B4GALT1: variants seen among roughly 807,000 people sequenced by gnomAD.
The protein encoded by B4GALT1 is beta-1,4-galactosyltransferase 1, also known as N-acetyllactosamine synthase.
Under a neutral mutation model 34.9 loss-of-function variants are expected in B4GALT1, and 16 were observed. The observed-to-expected ratio is 0.46, with a 90% confidence interval of 0.31 to 0.70. B4GALT1 has a LOEUF of 0.70. Among genes scored for constraint, B4GALT1 ranks in the 30% least tolerant of loss-of-function variants. The pLI is 0.05. For missense variants in B4GALT1, 445 were observed against 530.5 expected (o/e 0.84, Z 1.58); for synonymous variants, 221 against 218.1 (o/e 1.01, Z -0.12).
chr9:33,137,680 A>C (rs1840290695), intron 1 of B4GALT1, among the ~76,000 whole-genome samples: 2 of 152,134 alleles, frequency 1.3e-5, no homozygotes, highest in Admixed American at 1.3e-4. Context: ...GAAGGACCTA[A>C]ATGGCTACCT....
intron 1 of B4GALT1, among the ~76,000 whole-genome samples, chr9:33,153,017 G>T (rs980959623): frequency 6.6e-6 from 1 of 152,124 alleles, no homozygotes; most frequent in Non-Finnish European, 1.5e-5. Flanking sequence ...TGGGCAACAT[G>T]GCAAAGACTC....
At chr9:33,184,287 C>CACACACAA in the B4GALT1 span, among the ~76,000 whole-genome samples, 187 of 142,756 alleles carry the variant, frequency 1.3e-3, 2 homozygotes, top group East Asian at 1.2e-3. Context: ...CACACACACA[C>CACACACAA]AAAAACATAG....
At chr9:33,182,586 A>C in the B4GALT1 span, among the ~76,000 whole-genome samples, 9 of 152,240 alleles carry the variant, frequency 5.9e-5, 1 homozygote, top group African/African-American at 2.2e-4. Context: ...CCATAAGCTG[A>C]TTTGAAGTAA....
the B4GALT1 span, among the ~76,000 whole-genome samples, chr9:33,180,446 G>A: frequency 6.6e-6 from 1 of 152,124 alleles, no homozygotes. Context: ...TAAAAGACAG[G>A]GCTGAAGGCA....
chr9:33,145,747 C>T (rs982254141), intron 1 of B4GALT1, among the ~76,000 whole-genome samples: 1 of 152,238 alleles, frequency 6.6e-6, no homozygotes, highest in Non-Finnish European at 1.5e-5. Context: ...TGCATCCACA[C>T]AGTGGATAGC....
intron 1 of B4GALT1, among the ~76,000 whole-genome samples, chr9:33,164,616 A>G (rs1840721269): frequency 6.6e-6 from 1 of 152,356 alleles, no homozygotes; most frequent in Admixed American, 6.5e-5. Flanking sequence ...GTAACTGGTG[A>G]CAAGCCGATC....
intron 1 of B4GALT1, among the ~76,000 whole-genome samples, chr9:33,152,744 C>A (rs907940009): frequency 2.0e-5 from 3 of 151,984 alleles, no homozygotes; most frequent in African/African-American, 7.2e-5. Context: ...TGTGGTGGCA[C>A]ACACCTATAG....
At chr9:33,154,975 C>T (rs901242198) in intron 1 of B4GALT1, among the ~76,000 whole-genome samples, 1 of 152,106 alleles carries the variant, frequency 6.6e-6, no homozygotes, top group African/African-American at 2.4e-5. Flanking sequence ...GTGGATTTCT[C>T]CAGTAAGACC....
At chr9:33,158,287 G>A (rs750349467) in intron 1 of B4GALT1, among the ~76,000 whole-genome samples, 12 of 152,082 alleles carry the variant, frequency 7.9e-5, no homozygotes, top group Non-Finnish European at 1.5e-4. Context: ...ACCAGGGCTC[G>A]GAATCCTCAC....
chr9:33,143,854 C>T (rs1840387480), intron 1 of B4GALT1, among the ~76,000 whole-genome samples: 1 of 151,688 alleles, frequency 6.6e-6, no homozygotes, highest in Admixed American at 6.6e-5. Context: ...AATATAATAA[C>T]TACGTTGGGA....
At chr9:33,129,902 G>A (rs1357075117) in intron 2 of B4GALT1, among the ~76,000 whole-genome samples, 1 of 152,188 alleles carries the variant, frequency 6.6e-6, no homozygotes, top group Non-Finnish European at 1.5e-5. Context: ...AGAGGAGGAG[G>A]AAGTGGCTGG....
intron 1 of B4GALT1, among the ~76,000 whole-genome samples, chr9:33,154,609 G>T (rs1840570680): frequency 6.6e-6 from 1 of 152,224 alleles, no homozygotes; most frequent in Admixed American, 6.5e-5. Flanking sequence ...TGATGTAGGT[G>T]GTTGTTGATG....
At chr9:33,127,884 C>T (rs1840136013) in intron 2 of B4GALT1, among the ~76,000 whole-genome samples, 1 of 152,226 alleles carries the variant, frequency 6.6e-6, no homozygotes, top group African/African-American at 2.4e-5. Context: ...TTCCAGCAAC[C>T]TCAGCATTTC....
intron 1 of B4GALT1, among the ~76,000 whole-genome samples, chr9:33,149,524 A>T: frequency 6.6e-6 from 1 of 152,138 alleles, no homozygotes; most frequent in East Asian, 1.9e-4. Context: ...ACCTCAAGCA[A>T]TTTGCCCGCC....
At chr9:33,157,100 ACGGTGTC>A (rs1395352051) in intron 1 of B4GALT1, among the ~76,000 whole-genome samples, 3 of 130,182 alleles carry the variant, frequency 2.3e-5, no homozygotes, top group East Asian at 2.4e-4. Flanking sequence ...ACACACACAC[ACGGTGTC>A]CAGCATAGGG....
intron 1 of B4GALT1, among the ~76,000 whole-genome samples, chr9:33,141,995 T>C (rs76232637): frequency 1.3e-5 from 2 of 152,264 alleles, no homozygotes; most frequent in South Asian, 4.2e-4. Context: ...CTTTTTTTTT[T>C]CTTTTTGAGA....
chr9:33,132,869 C>T (rs1840213878), intron 2 of B4GALT1, among the ~76,000 whole-genome samples: 1 of 152,084 alleles, frequency 6.6e-6, no homozygotes, highest in South Asian at 2.1e-4. Context: ...CTCTTTTATC[C>T]TCTTTACCCA....
chr9:33,117,350 G>C (rs1839955648), intron 3 of B4GALT1, among the ~76,000 whole-genome samples: 1 of 152,232 alleles, frequency 6.6e-6, no homozygotes, highest in South Asian at 2.1e-4. Flanking sequence ...AAGTAGTAGA[G>C]CATCTGGGCT....
chr9:33,145,921 T>C (rs1840418528), intron 1 of B4GALT1, among the ~76,000 whole-genome samples: 1 of 152,228 alleles, frequency 6.6e-6, no homozygotes, highest in Non-Finnish European at 1.5e-5. Flanking sequence ...CAAGCATTAA[T>C]TCTATACCAT....
Sources: allele counts gnomAD v4.1 joint callset (sites outside exome capture counted in the v4.1 genomes callset), GRCh38; gene constraint gnomAD v4.1.1; transcripts MANE v1.5; gene names NCBI Gene and HGNC (gene_info 2026-07-23, HGNC 2026-07-21).